The following DMD variants were observed in gnomAD, a reference collection of about 807,000 sequenced individuals.
DMD encodes the protein dystrophin.
In DMD, 63 loss-of-function variants were observed where a neutral mutation model predicts 330.1. That is an observed-to-expected ratio of 0.19 (90% CI 0.16 to 0.24). The LOEUF is 0.24. Among genes scored for constraint, DMD ranks in the 10% least tolerant of loss-of-function variants. DMD has a pLI of 1.00. For missense variants in DMD, 3,344 were observed against 2,684.1 expected, an observed-to-expected ratio of 1.25 and a Z score of -5.43; for synonymous variants, 1,223 against 959.8, an observed-to-expected ratio of 1.27 and a Z score of -5.07.
chrX:31,558,725 C>T (rs916640909), intron 55 of DMD, among the ~76,000 whole-genome samples: 17 of 110,756 alleles, frequency 1.5e-4, no homozygotes, highest in African/African-American at 5.3e-4. Flanking sequence ...GATAGAAAGA[C>T]CTCTCTTCTG....
intron 47 of DMD, among the ~76,000 whole-genome samples, chrX:31,907,918 A>G (rs1158938011): frequency 8.9e-6 from 1 of 112,877 alleles, no homozygotes; most frequent in African/African-American, 3.2e-5. Flanking sequence ...AGGAACAGAC[A>G]CTTCTCAAAA....
intron 18 of DMD, 46 bp downstream of exon 18, chrX:32,517,962 A>G: frequency 1.7e-6 from 2 of 1,187,848 alleles, no homozygotes; most frequent in South Asian, 3.5e-5. Flanking sequence ...GGAGTTTACA[A>G]GCAGCACAAA....
At chrX:31,671,568 A>G (rs1205366346) in intron 53 of DMD, among the ~76,000 whole-genome samples, 1 of 111,987 alleles carries the variant, frequency 8.9e-6, no homozygotes, top group Non-Finnish European at 1.9e-5. Context: ...ATTTTTTGGA[A>G]GAGTTGTTTA....
chrX:32,472,379 G>A, intron 21 of DMD, 70 bp from the exon 22 acceptor site: 1 of 1,047,627 alleles, frequency 9.5e-7, no homozygotes, highest in South Asian at 2.0e-5. Context: ...TTCCTAAATT[G>A]TCAGCAAACT....
intron 1 of DMD, among the ~76,000 whole-genome samples, chrX:33,314,089 A>G (rs1306604555): frequency 1.8e-5 from 2 of 108,856 alleles, no homozygotes; most frequent in Admixed American, 2.0e-4. Flanking sequence ...AAGCATTTGG[A>G]AAGTTTGCTT....
Position 32,527,952 on chromosome X carries a change from C to T in DMD, c.2169-9821G>A, listed in dbSNP as rs142087168. On this transcript the variant is annotated intron_variant, in intron 17 of 78. Transcript: ENST00000357033. ...CTTGTATTTTGTAATATGTGTGATA[C>T]GTGTGTGTTTGTGTGTATGTTTAAG... Among the ~76,000 whole-genome samples, 357 of 111,487 alleles carry T rather than the reference C, an allele frequency of 3.2e-3. 1 individual carries two copies. The highest frequency in any genetic ancestry group is 0.011 in the African/African-American group (347 of 30,671).
rs2031995181 is a variant in DMD at position 31,119,628 on chromosome X, A to AAGAT, written c.*2287_*2290dup. On this transcript the variant is annotated 3_prime_UTR_variant, in exon 79 of 79. Transcript: ENST00000357033. ...CTAATGTGTCTAAAAGAAAAACAAA[A>AAGAT]AGATTAAAACAAAATTATTTATGCA... The AAGAT allele has an allele frequency of 8.9e-6, 1 of 112,633 alleles. No homozygotes were observed. Among genetic ancestry groups the AAGAT allele is most frequent in the Non-Finnish European group, 1.9e-5 (1 of 53,229 alleles). The allele number at this position is 112,633 out of a possible 1,213,427, so 9.3% of individuals were successfully genotyped here. A position where few individuals can be genotyped will look rare whatever the true frequency, so the allele number is the denominator to read the frequency against.
chrX:31,313,078 G>GT (rs201377960), intron 62 of DMD, among the ~76,000 whole-genome samples: 2,876 of 86,835 alleles, frequency 0.033, 125 homozygotes, highest in African/African-American at 0.11. Flanking sequence ...TTTTTGGTGT[G>GT]TTTTTTTTTT....
chrX:31,455,416 C>A (rs183312816), intron 59 of DMD, among the ~76,000 whole-genome samples: 69 of 111,472 alleles, frequency 6.2e-4, no homozygotes, highest in Non-Finnish European at 9.8e-4. Flanking sequence ...CCAGTATATG[C>A]CAAGCCATAG....
intron 62 of DMD, among the ~76,000 whole-genome samples, chrX:31,273,637 A>G (rs933522275): frequency 8.9e-6 from 1 of 112,447 alleles, no homozygotes; most frequent in Non-Finnish European, 1.9e-5. Flanking sequence ...GGAAAATGTA[A>G]TAATCAAATG....
At chrX:31,489,558 T>A (rs1271022493) in intron 57 of DMD, among the ~76,000 whole-genome samples, 2 of 112,244 alleles carry the variant, frequency 1.8e-5, no homozygotes, top group Non-Finnish European at 1.9e-5. Flanking sequence ...CATATATTAA[T>A]TTATGGGTTT....
intron 1 of DMD, among the ~76,000 whole-genome samples, chrX:33,177,969 C>A (rs1488043922): frequency 1.8e-5 from 2 of 111,947 alleles, no homozygotes; most frequent in Admixed American, 9.5e-5. Context: ...TCCAAGGGTT[C>A]CAAACTGGAA....
chrX:31,342,468 G>A (rs1027494431), intron 61 of DMD, among the ~76,000 whole-genome samples: 7 of 111,495 alleles, frequency 6.3e-5, no homozygotes, highest in African/African-American at 2.0e-4. Flanking sequence ...AAAATTCCAA[G>A]AATTCTAACA....
At chrX:31,975,063 G>C (rs1469081174) in intron 44 of DMD, among the ~76,000 whole-genome samples, 2 of 109,940 alleles carry the variant, frequency 1.8e-5, no homozygotes, top group African/African-American at 3.3e-5. Context: ...AAAAAATCAC[G>C]TGCTCCTCAA....
At chrX:32,269,126 T>C (rs1456729) in intron 43 of DMD, among the ~76,000 whole-genome samples, 13,373 of 110,418 alleles carry the variant, frequency 0.12, 814 homozygotes, top group Non-Finnish European at 0.17. Flanking sequence ...AGAGGCAAAA[T>C]GTCATAGTGT....
chrX:33,158,978 A>C (rs2048634447), intron 1 of DMD, among the ~76,000 whole-genome samples: 1 of 111,687 alleles, frequency 9.0e-6, no homozygotes, highest in African/African-American at 3.3e-5. Context: ...ATTTTTAAAC[A>C]CCGAAGTAAG....
intron 42 of DMD, among the ~76,000 whole-genome samples, chrX:32,304,998 C>G (rs2097535340): frequency 9.0e-6 from 1 of 111,393 alleles, no homozygotes; most frequent in Non-Finnish European, 1.9e-5. Context: ...ATTGCAATGT[C>G]CTCTTATTCC....
chrX:33,335,940 C>A (rs767913098), intron 1 of DMD, among the ~76,000 whole-genome samples: 1 of 111,109 alleles, frequency 9.0e-6, no homozygotes, highest in Admixed American at 9.6e-5. Context: ...AAAGTCCATG[C>A]TATAATCAAG....
At position 33,301,296 on chromosome X, in the gene DMD, A is replaced by G. The variant is rs2053657594; in HGVS notation, c.7+37963T>C. Among the ~76,000 whole-genome samples, 5 of 111,384 alleles carry G rather than the reference A, an allele frequency of 4.5e-5. No homozygotes were observed. In the Admixed American group the frequency reaches 4.8e-4, roughly 11 times the overall value. ...CTCAATTTTGCAAGCACCTCTTCAA[A>G]ATAGTGTGTGGATACCCTGCCCACT... On this transcript the variant is annotated intron_variant, in intron 1 of 17. Coordinates refer to the DMD transcript ENST00000288447.
Sources: gnomAD v4.1 joint callset for allele counts (sites outside exome capture counted in the v4.1 genomes callset) on GRCh38, gnomAD v4.1.1 for gene constraint, MANE v1.5 for transcripts, NCBI Gene and HGNC (gene_info 2026-07-23, HGNC 2026-07-21) for gene names.